The following ZNF79 variants were observed in gnomAD, a reference collection of about 807,000 sequenced individuals.
The protein encoded by ZNF79 is ZNFpT7.
ZNF79 carries 13 observed loss-of-function variants against 14.9 expected under a neutral mutation model. That is an observed-to-expected ratio of 0.87 (90% CI 0.57 to 1.38). The LOEUF is 1.38. ZNF79 is among the 40% of genes most tolerant of loss of function. The pLI, the probability that ZNF79 is intolerant of heterozygous loss-of-function variation, is 0.00. For missense variants in ZNF79, 631 were observed against 630.6 expected (o/e 1.00, Z -0.01); for synonymous variants, 223 against 235.1 (o/e 0.95, Z 0.47).
chr9:127,430,811 C>T (rs1190451072), intron 2 of ZNF79, among the ~76,000 whole-genome samples: 3 of 152,148 alleles, frequency 2.0e-5, no homozygotes, highest in African/African-American at 7.2e-5. Context: ...ATTGCCGGGT[C>T]GAATGGTAGC....
chr9:127,434,207 C>T (rs1223618948), intron 2 of ZNF79, among the ~76,000 whole-genome samples: 2 of 152,020 alleles, frequency 1.3e-5, no homozygotes, highest in Non-Finnish European at 2.9e-5. Context: ...CCTTCTCCTT[C>T]AAGGCCAGCT....
chr9:127,439,982 C>G (rs1379240269), intron 4 of ZNF79, among the ~76,000 whole-genome samples: 2 of 152,202 alleles, frequency 1.3e-5, no homozygotes, highest in Non-Finnish European at 2.9e-5. Flanking sequence ...CCTGCCCCAG[C>G]CTCCCGAGTA....
chr9:127,427,959 G>T (rs1833790834), intron 1 of ZNF79, among the ~76,000 whole-genome samples: 1 of 151,928 alleles, frequency 6.6e-6, no homozygotes. Flanking sequence ...AAAGATGTAT[G>T]GTTTTCTTCT....
At chr9:127,436,630 G>A (rs891216509) in intron 4 of ZNF79, among the ~76,000 whole-genome samples, 2 of 152,196 alleles carry the variant, frequency 1.3e-5, no homozygotes, top group Non-Finnish European at 2.9e-5. Flanking sequence ...CCTCTGCCTT[G>A]GTGCCACCTC....
rs35456595 is a variant in ZNF79, at chr9:127,441,944, CA to C, written c.329-2069del. Among the ~76,000 whole-genome samples the C allele has an allele frequency of 6.9e-3, 746 of 107,688 alleles. 6 individuals are homozygous for C. Among genetic ancestry groups the C allele is most frequent in the African/African-American group, 0.014 (400 of 29,214 alleles). 70.6% of individuals were successfully genotyped at this position (107,688 alleles called of 152,430 possible). The stretch of plus-strand genomic sequence containing the variant: ...TGGGTGACAGAGTGAGACTCCGTCT[CA>C]AAAAAAAAAAAAAAATACAAAATTA... On this transcript the variant is annotated intron_variant, in intron 4 of 4. Coordinates refer to ENST00000342483, the MANE Select transcript of ZNF79 (RefSeq NM_007135.3).
At position 127,426,066 on chromosome 9, in the gene ZNF79, A is replaced by G. The variant is rs143475576; in HGVS notation, c.16+1263A>G. 2.6e-3 allele frequency among the ~76,000 whole-genome samples: 398 copies of G among 152,334 alleles called. 4 individuals are homozygous for G. The highest frequency in any genetic ancestry group is 9.2e-3 in the African/African-American group (382 of 41,570). ...GTCAGGTTAGATAACTCTCAGTAAC[A>G]GAAGGTCTGTCCTAAGATCAGGATC... On this transcript the variant is annotated intron_variant, in intron 1 of 4. Coordinates refer to ENST00000342483, the MANE Select transcript of ZNF79 (RefSeq NM_007135.3).
At chr9:127,436,443 C>T (rs968016163) in intron 4 of ZNF79, among the ~76,000 whole-genome samples, 1 of 152,194 alleles carries the variant, frequency 6.6e-6, no homozygotes, top group Non-Finnish European at 1.5e-5. Flanking sequence ...CTGCTGCCAC[C>T]CCATCTGGCC....
chr9:127,428,747 T>A (rs550946021), intron 1 of ZNF79, 85 bp from the exon 2 acceptor site: 2 of 1,303,040 alleles, frequency 1.5e-6, no homozygotes, highest in African/African-American at 3.0e-5. Flanking sequence ...CGTGCCCTGA[T>A]ACCTGCTATG....
At position 127,444,155 on chromosome 9, in the gene ZNF79, A is replaced by T. The variant is rs775036843; in HGVS notation, c.455A>T (p.Asn152Ile). 5.6e-5 allele frequency: 91 copies of T among 1,613,768 alleles called. 1 individual carries two copies. The highest frequency in any genetic ancestry group is 7.4e-5 in the Non-Finnish European group (87 of 1,180,034). The change falls in exon 5 of 5, where the codon AAT becomes ATT. Residue 152 changes from asparagine to isoleucine, a missense_variant. Physicochemically the swap from Asn to Ile is moderately radical, Grantham distance 149. Coordinates refer to ENST00000342483, the MANE Select transcript of ZNF79 (RefSeq NM_007135.3). ...ACCAGTGACCTTGAGAAGAGCTTCA[A>T]TCTGAGACCAGTCCTCTCTCCGCAA... is the stretch of plus-strand genomic sequence containing the variant. Reference protein sequence around the residue: ...HGTSDLEKSFNLRPVLSPQQR... With the variant: ...HGTSDLEKSFILRPVLSPQQR...
rs942693165 is a variant in ZNF79, at chr9:127,435,102, T to C, written c.118T>C (p.Phe40Leu). 6.2e-7 allele frequency: 1 copy of C among 1,611,982 alleles called. No individual in the cohort carries two copies. Among genetic ancestry groups the C allele is most frequent in the Non-Finnish European group, 8.5e-7 (1 of 1,179,042 alleles). The change falls in exon 3 of 5, where the codon TTC becomes CTC. Residue 40 changes from phenylalanine (F) to leucine (L), a missense_variant. Phe to Leu is a conservative substitution (Grantham distance 22). Transcript: ENST00000342483. ...LTAGPRGSTFFSSVTVAFAQE... is the reference protein window; with the variant it reads ...LTAGPRGSTFLSSVTVAFAQE... ...CTTGTTTTTTCAGGGATCCACATTC[T>C]TCAGCAGTGTGACGGTAGCTTTTGC... is the stretch of plus-strand genomic sequence containing the variant.
At position 127,440,509 on chromosome 9, in the gene ZNF79, G is replaced by T. The variant is rs374611094; in HGVS notation, c.329-3520G>T. On this transcript the variant is annotated intron_variant, in intron 4 of 4. Transcript: ENST00000342483. ...GGACAGATTGTGTGGGGCCACTGGA[G>T]CCATGGTAAGGCGTTTGGGTTTTAG... is the stretch of plus-strand genomic sequence containing the variant. 2.6e-5 allele frequency among the ~76,000 whole-genome samples: 4 copies of T among 152,316 alleles called. 1 individual carries two copies. The highest frequency in any genetic ancestry group is 9.6e-5 in the African/African-American group (4 of 41,562).
chr9:127,429,042 T>A, intron 2 of ZNF79, 122 bp downstream of exon 2: 1 of 638,916 alleles, frequency 1.6e-6, no homozygotes, highest in Non-Finnish European at 2.4e-6. Flanking sequence ...TGAGACTGAG[T>A]CTCACTCTGT....
rs781405376 is a variant in ZNF79 at position 127,435,196 on chromosome 9, C to T, written c.212C>T (p.Ser71Phe). The change falls in exon 3 of 5, where the codon TCC (serine) becomes TTC (phenylalanine). Residue 71 changes from serine (S) to phenylalanine (F), a missense_variant. Coordinates refer to ENST00000342483, the MANE Select transcript of ZNF79 (RefSeq NM_007135.3). ...DRFKEGIPGK[S>F]RSLVLLGLPV... is the part of the protein sequence containing the mutation. ...TTCAAGGAGGGGATACCAGGAAAGTCCAGGAGCCTTGTCCTACTAGGTAAG... is the reference window on the plus strand; with the variant it reads ...TTCAAGGAGGGGATACCAGGAAAGTTCAGGAGCCTTGTCCTACTAGGTAAG... 1.9e-6 allele frequency: 3 copies of T among 1,607,000 alleles called. No individual in the cohort carries two copies. The highest frequency in any genetic ancestry group is 1.1e-5 in the South Asian group (1 of 90,096).
chr9:127,437,576 G>C (rs575366873), intron 4 of ZNF79, among the ~76,000 whole-genome samples: 2 of 151,584 alleles, frequency 1.3e-5, no homozygotes, highest in East Asian at 3.9e-4. Flanking sequence ...TAAAACAATA[G>C]CAGTTGATTC....
At chr9:127,431,262 T>C (rs889753518) in intron 2 of ZNF79, among the ~76,000 whole-genome samples, 1 of 150,422 alleles carries the variant, frequency 6.6e-6, no homozygotes, top group Admixed American at 6.6e-5. Flanking sequence ...TTCTTTTCTT[T>C]TTTTTTTTTT....
chr9:127,424,887 G>C (rs1410763221), intron 1 of ZNF79, 84 bp downstream of exon 1: 4 of 1,596,666 alleles, frequency 2.5e-6, no homozygotes, highest in Non-Finnish European at 3.4e-6. Context: ...AGCCGAATCA[G>C]AACTCTCTTT....
chr9:127,427,542 C>CTT lies in ZNF79; in HGVS notation c.17-1274_17-1273dup, dbSNP rs71378001. Among the ~76,000 whole-genome samples the CTT allele has an allele frequency of 9.2e-3, 1,224 of 132,508 alleles. 26 individuals carry two copies. The highest frequency in any genetic ancestry group is 0.012 in the South Asian group (52 of 4,318). 86.9% of individuals were successfully genotyped at this position (132,508 alleles called of 152,430 possible). ...ACTGTACCCAGTCAATAACTAAATT[C>CTT]TTTTTTTTTTTTTTTTTGAGGCAGA... On this transcript the variant is annotated intron_variant, in intron 1 of 4. Coordinates refer to ENST00000342483, the MANE Select transcript of ZNF79 (RefSeq NM_007135.3).
chr9:127,444,402 A>C lies in ZNF79; in HGVS notation c.702A>C (p.Ser234=). 1.2e-6 allele frequency: 2 copies of C among 1,612,180 alleles called. No individual in the cohort carries two copies. The highest frequency in any genetic ancestry group is 1.7e-6 in the Non-Finnish European group (2 of 1,178,594). ...GTGGGAAGGCCTTCAGCCAGAGCTCATCTCTCATTCAGCACCAGAGGATTC... is the reference window on the plus strand; with the variant it reads ...GTGGGAAGGCCTTCAGCCAGAGCTCCTCTCTCATTCAGCACCAGAGGATTC... ...SECGKAFSQS[S]SLIQHQRIHT... The change falls in exon 5 of 5, where the codon TCA becomes TCC. Residue 234 remains serine (S), a synonymous_variant. Coordinates refer to ENST00000342483, the MANE Select transcript of ZNF79 (RefSeq NM_007135.3).
intron 2 of ZNF79, among the ~76,000 whole-genome samples, chr9:127,434,687 C>T (rs1833915200): frequency 6.6e-6 from 1 of 152,186 alleles, no homozygotes; most frequent in Non-Finnish European, 1.5e-5. Context: ...CTTGCCGTGT[C>T]ACACAGGCTG....
Sources: gnomAD v4.1 joint callset for allele counts (sites outside exome capture counted in the v4.1 genomes callset) on GRCh38, gnomAD v4.1.1 for gene constraint, MANE v1.5 for transcripts, NCBI Gene and HGNC (gene_info 2026-07-23, HGNC 2026-07-21) for gene names.